The following EGLN3 variants were observed in gnomAD, a reference collection of about 807,000 sequenced individuals.
EGLN3 encodes the protein egl-9 family hypoxia inducible factor 3.
Under a neutral mutation model 26.0 loss-of-function variants are expected in EGLN3, and 15 were observed. The ratio of observed to expected loss-of-function variants is 0.58; its 90% CI spans 0.39 to 0.89. EGLN3 has a LOEUF of 0.89. EGLN3 is among the 40% of genes least tolerant of loss of function. EGLN3 has a pLI of 0.00. For missense variants in EGLN3, 238 were observed against 311.6 expected, an observed-to-expected ratio of 0.76 and a Z score of 1.78; for synonymous variants, 147 against 127.2, an observed-to-expected ratio of 1.16 and a Z score of -1.05.
intron 1 of EGLN3, among the ~76,000 whole-genome samples, chr14:33,945,756 G>A (rs1314326675): frequency 2.0e-5 from 3 of 152,156 alleles, no homozygotes; most frequent in Non-Finnish European, 2.9e-5. Context: ...TGGATCCTGC[G>A]AGATCACTTC....
intron 1 of EGLN3, among the ~76,000 whole-genome samples, chr14:33,944,190 C>T (rs1412466728): frequency 6.6e-6 from 1 of 152,020 alleles, no homozygotes; most frequent in African/African-American, 2.4e-5. Flanking sequence ...GGTGCAATCT[C>T]GGCTCACTGC....
rs35056523 is a variant in EGLN3, at chr14:33,942,295, TAAAA to T, written c.357+8097_357+8100del. Reference sequence around the variant, plus strand: ...ACTAAGAAAGGAAAGAAAGTTTAGTTAAAAAAAAAAAAAAGACAACTTGAGGTTC... The same window carrying T: ...ACTAAGAAAGGAAAGAAAGTTTAGTTAAAAAAAAAAGACAACTTGAGGTTC... On this transcript the variant is annotated intron_variant, in intron 1 of 4. Coordinates refer to ENST00000250457, the MANE Select transcript of EGLN3 (RefSeq NM_022073.4). Among the ~76,000 whole-genome samples, 4 of 140,050 alleles carry T rather than the reference TAAAA, an allele frequency of 2.9e-5. No homozygotes were observed. The East Asian group carries it at 8.1e-4, about 29-fold the overall frequency. 91.9% of individuals were successfully genotyped at this position (140,050 alleles called of 152,430 possible).
At chr14:33,948,405 A>G (rs970215349) in intron 1 of EGLN3, 3 of 152,226 alleles carry the variant, frequency 2.0e-5, no homozygotes, top group Non-Finnish European at 4.4e-5. Context: ...GAATATTCCA[A>G]TCGAAAGGTG....
chr14:33,930,342 G>A (rs564275933), intron 2 of EGLN3, among the ~76,000 whole-genome samples: 23 of 152,250 alleles, frequency 1.5e-4, no homozygotes, highest in African/African-American at 5.1e-4. Flanking sequence ...CCCAAGTTTC[G>A]TTTTTCTGAC....
rs2064550708 is a variant in EGLN3 at position 33,950,450 on chromosome 14, C to T, written c.303G>A (p.Leu101=). The T allele has an allele frequency of 6.2e-7, 1 of 1,613,588 alleles. No individual in the cohort carries two copies. The highest frequency in any genetic ancestry group is 8.5e-7 in the Non-Finnish European group (1 of 1,180,044). The change falls in exon 1 of 5, where the codon CTG becomes CTA. Residue 101 remains leucine, a synonymous_variant. Coordinates refer to ENST00000250457, the MANE Select transcript of EGLN3 (RefSeq NM_022073.4). ...CCAGCCGGCTCCCGCAGTAGAGGAC[C>T]AGCCTGTCGATGAGGGACAGGAGGA... ...ISFLLSLIDR[L]VLYCGSRLGK...
chr14:33,927,384 G>C (rs2064369947), intron 3 of EGLN3, among the ~76,000 whole-genome samples: 1 of 152,056 alleles, frequency 6.6e-6, no homozygotes, highest in African/African-American at 2.4e-5. Context: ...GGCCAGGATG[G>C]TCTCGATCTC....
intron 1 of EGLN3, among the ~76,000 whole-genome samples, chr14:33,937,802 C>T (rs1399702146): frequency 1.3e-5 from 2 of 152,174 alleles, no homozygotes; most frequent in Non-Finnish European, 1.5e-5. Flanking sequence ...CATACCTACA[C>T]CTGAATTTTC....
chr14:33,937,934 G>GA (rs2064453896), intron 1 of EGLN3, among the ~76,000 whole-genome samples: 1 of 152,178 alleles, frequency 6.6e-6, no homozygotes, highest in Admixed American at 6.5e-5. Context: ...CACCGTGCCT[G>GA]AATAGCAGAG....
intron 1 of EGLN3, among the ~76,000 whole-genome samples, chr14:33,941,789 G>T (rs1309425420): frequency 6.6e-6 from 1 of 152,156 alleles, no homozygotes. Flanking sequence ...ATTGAGCCAC[G>T]ACAGAGTTCT....
intron 1 of EGLN3, among the ~76,000 whole-genome samples, chr14:33,932,687 A>G (rs1769608): frequency 0.34 from 51,226 of 152,138 alleles, 9,446 homozygotes; most frequent in Non-Finnish European, 0.43. Context: ...CAAAATGTCA[A>G]TGTGATGTCA....
chr14:33,943,391 C>T (rs190688874), intron 1 of EGLN3, among the ~76,000 whole-genome samples: 1 of 152,330 alleles, frequency 6.6e-6, no homozygotes, highest in East Asian at 1.9e-4. Flanking sequence ...TCATTACTGT[C>T]AGAACATGTG....
intron 1 of EGLN3, among the ~76,000 whole-genome samples, chr14:33,934,257 C>T (rs2064424357): frequency 6.6e-6 from 1 of 152,144 alleles, no homozygotes; most frequent in South Asian, 2.1e-4. Context: ...GTGAATCAGG[C>T]CGGCCCAGGC....
intron 1 of EGLN3, among the ~76,000 whole-genome samples, chr14:33,945,898 A>G (rs551252203): frequency 2.6e-5 from 4 of 152,342 alleles, no homozygotes; most frequent in African/African-American, 9.6e-5. Flanking sequence ...AGGAATAAAC[A>G]CACCACCTTG....
At chr14:33,949,892 G>A in intron 1 of EGLN3, 1 of 205,282 alleles carries the variant, frequency 4.9e-6, no homozygotes, top group Admixed American at 5.4e-5. Flanking sequence ...TTTCACACCT[G>A]CCCAACTCCA....
chr14:33,937,962 T>C (rs1178204079), intron 1 of EGLN3, among the ~76,000 whole-genome samples: 1 of 152,196 alleles, frequency 6.6e-6, no homozygotes, highest in Non-Finnish European at 1.5e-5. Flanking sequence ...CATTCTCACT[T>C]TAAAACCTGT....
chr14:33,946,428 A>AT (rs1164111430), intron 1 of EGLN3, among the ~76,000 whole-genome samples: 1 of 152,036 alleles, frequency 6.6e-6, no homozygotes, highest in Non-Finnish European at 1.5e-5. Flanking sequence ...ACAGTACTCT[A>AT]TTTTTTTCTT....
intron 1 of EGLN3, among the ~76,000 whole-genome samples, chr14:33,942,178 G>A (rs945133086): frequency 2.6e-5 from 4 of 151,880 alleles, no homozygotes; most frequent in Admixed American, 6.6e-5. Context: ...AAGAACCAAC[G>A]GCAAGTGATT....
At position 33,950,815 on chromosome 14, in the gene EGLN3, G is replaced by T. The variant is rs993817484; in HGVS notation, c.-63C>A. On this transcript the variant is annotated 5_prime_UTR_variant, in exon 1 of 5. Coordinates refer to ENST00000250457, the MANE Select transcript of EGLN3 (RefSeq NM_022073.4). ...CAACCAGAGAGGGAACGATCTACAC[G>T]AGCGCGAAGCCGAGGCGCGGGGAGC... 2.1e-6 allele frequency: 3 copies of T among 1,447,504 alleles called. No homozygotes were observed. The highest frequency in any genetic ancestry group is 2.0e-4 in the Middle Eastern group (1 of 5,000). The allele number at this position is 1,447,504 out of a possible 1,614,324, so 89.7% of individuals were successfully genotyped here. A position where few individuals can be genotyped will look rare whatever the true frequency, so the allele number is the denominator to read the frequency against.
Position 33,925,818 on chromosome 14 carries a change from G to T in EGLN3, c.*73C>A. 1 of 1,558,456 alleles carries T rather than the reference G, an allele frequency of 6.4e-7. No individual in the cohort carries two copies. The highest frequency in any genetic ancestry group is 8.8e-7 in the Non-Finnish European group (1 of 1,130,382). ...TGTTGTCACTGAAGAGGCCATCTTTGGATCTCAAAGAATTTAAGAGAATTC... is the reference window on the plus strand; with the variant it reads ...TGTTGTCACTGAAGAGGCCATCTTTTGATCTCAAAGAATTTAAGAGAATTC... On this transcript the variant is annotated 3_prime_UTR_variant, in exon 5 of 5. Coordinates refer to ENST00000250457, the MANE Select transcript of EGLN3 (RefSeq NM_022073.4).
Sources: allele counts gnomAD v4.1 joint callset (sites outside exome capture counted in the v4.1 genomes callset), GRCh38; gene constraint gnomAD v4.1.1; transcripts MANE v1.5; gene names NCBI Gene and HGNC (gene_info 2026-07-23, HGNC 2026-07-21).